Variants in IQCH observed in about 807,000 individuals in gnomAD.
The protein encoded by IQCH is IQ domain-containing protein H.
IQCH carries 98 observed loss-of-function variants against 117.0 expected under a neutral mutation model. The observed-to-expected ratio is 0.84, with a 90% CI of 0.71 to 0.99. The LOEUF (loss-of-function observed/expected upper bound fraction) is 0.99, where lower values mean the gene tolerates loss of function less well. Ranked by LOEUF, IQCH falls within the 50% of genes least tolerant of loss-of-function variation. The probability of loss-of-function intolerance (pLI) is 0.00; values close to 1 mark genes in which losing one functional copy is unlikely to be tolerated. For synonymous variants in IQCH, 412 were observed against 448.2 expected, an observed-to-expected ratio of 0.92 and a Z score of 1.02; for missense variants, 1,102 against 1,243.8, an observed-to-expected ratio of 0.89 and a Z score of 1.72.
intron 6 of IQCH, among the ~76,000 whole-genome samples, chr15:67,346,633 GC>G (rs1286932307): frequency 6.6e-6 from 1 of 152,108 alleles, no homozygotes; most frequent in African/African-American, 2.4e-5. Context: ...TTCCTAATGG[GC>G]CACAGTACCC....
At chr15:67,418,276 G>C (rs2081626677) in intron 15 of IQCH, among the ~76,000 whole-genome samples, 1 of 152,122 alleles carries the variant, frequency 6.6e-6, no homozygotes, top group Non-Finnish European at 1.5e-5. Flanking sequence ...GAATATACTG[G>C]CTGGGCAGGG....
chr15:67,363,184 A>C (rs891777918), intron 8 of IQCH, among the ~76,000 whole-genome samples: 4 of 152,306 alleles, frequency 2.6e-5, no homozygotes, highest in South Asian at 2.1e-4. Flanking sequence ...CACGGAAAAA[A>C]AAACAAACAA....
chr15:67,300,366 C>A (rs553274718), intron 4 of IQCH, among the ~76,000 whole-genome samples: 3 of 152,232 alleles, frequency 2.0e-5, no homozygotes, highest in African/African-American at 7.2e-5. Flanking sequence ...ACTTCACAAA[C>A]AACCCTATGA....
Position 67,463,945 on chromosome 15 carries a change from C to T in IQCH, c.2506-1182C>T, listed in dbSNP as rs991965441. ...GAAACCTCTGCCTCCTGGGTTCAAG[C>T]GATTCTCGTGCCTCAGCCTCCCAAG... On this transcript the variant is annotated intron_variant, in intron 16 of 20. Transcript: ENST00000335894. The surrounding 1 kb of genome is among the most constrained non-coding windows in gnomAD (Gnocchi z 4.0). Among the ~76,000 whole-genome samples the T allele has an allele frequency of 6.6e-6, 1 of 152,132 alleles. No homozygotes were observed.
At chr15:67,281,052 G>T (rs1042182883) in intron 4 of IQCH, among the ~76,000 whole-genome samples, 1 of 152,040 alleles carries the variant, frequency 6.6e-6, no homozygotes, top group African/African-American at 2.4e-5. Flanking sequence ...CACCATCTTG[G>T]CCGGGCTGGT....
At chr15:67,348,552 G>A (rs969626196) in intron 6 of IQCH, among the ~76,000 whole-genome samples, 1 of 152,050 alleles carries the variant, frequency 6.6e-6, no homozygotes, top group African/African-American at 2.4e-5. Flanking sequence ...TAGGTATAAA[G>A]CTAACAAATA....
At chr15:67,379,641 T>C (rs1159483872) in intron 10 of IQCH, among the ~76,000 whole-genome samples, 2 of 152,058 alleles carry the variant, frequency 1.3e-5, no homozygotes, top group East Asian at 3.9e-4. Context: ...GTTTCCCCCT[T>C]GCTTTTCTTG....
chr15:67,404,813 A>G lies in IQCH; in HGVS notation c.2097+4508A>G, dbSNP rs1158556993. On this transcript the variant is annotated intron_variant, in intron 14 of 20. Coordinates refer to ENST00000335894, the MANE Select transcript of IQCH (RefSeq NM_001031715.3). This position sits in a 1 kb window ranked among gnomAD's most constrained non-coding sequence, Gnocchi z 4.6. Reference sequence around the variant, plus strand: ...TTGGCAGTGGGAGGAAAGAGGGAGGAAAGATTTGTTTGTTTTTATATTTGG... The same window carrying G: ...TTGGCAGTGGGAGGAAAGAGGGAGGGAAGATTTGTTTGTTTTTATATTTGG... 6.6e-6 allele frequency: 1 copy of G among 152,148 alleles called. No homozygotes were observed. The highest frequency in any genetic ancestry group is 1.5e-5 in the Non-Finnish European group (1 of 67,994). The allele number at this position is 152,148 out of a possible 1,614,324, so 9.4% of individuals were successfully genotyped here. A position where few individuals can be genotyped will look rare whatever the true frequency, so the allele number is the denominator to read the frequency against.
rs542409126 is a variant in IQCH at position 67,360,017 on chromosome 15, A to G, written c.753+132A>G. On this transcript the variant is annotated intron_variant, in intron 8 of 20. Coordinates refer to ENST00000335894, the MANE Select transcript of IQCH (RefSeq NM_001031715.3). ...AACAAAAGTTCGTGCTTCCTTTGTAAAAGAAATTAGATCATGGTTTCAGGA... is the reference window on the plus strand; with the variant it reads ...AACAAAAGTTCGTGCTTCCTTTGTAGAAGAAATTAGATCATGGTTTCAGGA... The G allele has an allele frequency of 1.7e-4, 116 of 679,928 alleles. 1 individual carries two copies. The East Asian group carries it at 3.0e-3, about 18-fold the overall frequency. 42.1% of individuals were successfully genotyped at this position (679,928 alleles called of 1,614,324 possible).
Position 67,496,285 on chromosome 15 carries a change from T to TA in IQCH, c.2970+1927dup, listed in dbSNP as rs1164844090. ...TGAGTCTGGGTGATGGGAGTAAGAA[T>TA]AAAAAAAAGGAAGATAATGCAGAAA... On this transcript the variant is annotated intron_variant, in intron 20 of 20. Transcript: ENST00000335894. This position sits in a 1 kb window ranked among gnomAD's most constrained non-coding sequence, Gnocchi z 4.4. Among the ~76,000 whole-genome samples the TA allele has an allele frequency of 6.6e-6, 1 of 151,384 alleles. No individual in the cohort carries two copies.
In IQCH at chr15:67,431,459, G is replaced by C. The variant is rs2082018156; in HGVS notation, c.2505+9882G>C. Among the ~76,000 whole-genome samples the C allele has an allele frequency of 6.6e-6, 1 of 151,990 alleles. No individual in the cohort carries two copies. The highest frequency in any genetic ancestry group is 2.4e-5 in the African/African-American group (1 of 41,330). Reference sequence around the variant, plus strand: ...TGAGAATACAGGGACACATAGAGGGGAACACCACGCACTGAGGCCTATCAA... The same window carrying C: ...TGAGAATACAGGGACACATAGAGGGCAACACCACGCACTGAGGCCTATCAA... On this transcript the variant is annotated intron_variant, in intron 16 of 20. Transcript: ENST00000335894. This position sits in a 1 kb window ranked among gnomAD's most constrained non-coding sequence, Gnocchi z 4.8.
At chr15:67,324,626 A>G (rs1048541990) in intron 4 of IQCH, among the ~76,000 whole-genome samples, 1 of 151,584 alleles carries the variant, frequency 6.6e-6, no homozygotes, top group East Asian at 1.9e-4. Context: ...AAAAAAAAAA[A>G]AAGAAGTCAA....
chr15:67,306,564 A>G (rs1007537368), intron 4 of IQCH, among the ~76,000 whole-genome samples: 1 of 152,134 alleles, frequency 6.6e-6, no homozygotes, highest in African/African-American at 2.4e-5. Context: ...AGAAGCTGGT[A>G]TCTTCTCCAT....
At chr15:67,284,145 C>A (rs1244256439) in intron 4 of IQCH, among the ~76,000 whole-genome samples, 2 of 152,030 alleles carry the variant, frequency 1.3e-5, no homozygotes, top group Non-Finnish European at 2.9e-5. Flanking sequence ...CTTATTCATT[C>A]TTTCTATTTT....
At chr15:67,290,728 A>G (rs549646142) in intron 4 of IQCH, among the ~76,000 whole-genome samples, 9 of 151,612 alleles carry the variant, frequency 5.9e-5, no homozygotes, top group Admixed American at 2.1e-4. Flanking sequence ...AGGCAATTAA[A>G]TTGTGAAGGC....
chr15:67,326,073 C>T (rs957600921), intron 4 of IQCH, among the ~76,000 whole-genome samples: 14 of 152,238 alleles, frequency 9.2e-5, no homozygotes, highest in African/African-American at 3.1e-4. Flanking sequence ...CCCATTAACT[C>T]GTCATTTACA....
rs774272930 is a variant in IQCH, at chr15:67,299,092, AAC to A, written c.387+19582_387+19583del. Among the ~76,000 whole-genome samples the A allele has an allele frequency of 2.2e-3, 338 of 151,288 alleles. 1 individual carries two copies. The highest frequency in any genetic ancestry group is 2.7e-3 in the Non-Finnish European group (184 of 67,596). ...ATATATTCAGCCAAAAAAAAAAAAA[AAC>A]AATGAGATCCTGTCATTTGCAACAA... On this transcript the variant is annotated intron_variant, in intron 4 of 20. Coordinates refer to ENST00000335894, the MANE Select transcript of IQCH (RefSeq NM_001031715.3).
intron 18 of IQCH, among the ~76,000 whole-genome samples, chr15:67,483,420 G>A (rs1285540378): frequency 6.6e-6 from 1 of 152,218 alleles, no homozygotes; most frequent in Non-Finnish European, 1.5e-5. Context: ...TGGTGGCTGA[G>A]GCACAAGAAT....
At chr15:67,495,281 T>C (rs895850877) in intron 20 of IQCH, among the ~76,000 whole-genome samples, 1 of 152,210 alleles carries the variant, frequency 6.6e-6, no homozygotes. Context: ...ACAACATGAT[T>C]GAGAAGATTC....
Sources: allele counts gnomAD v4.1 joint callset (sites outside exome capture counted in the v4.1 genomes callset), GRCh38; gene constraint gnomAD v4.1.1; non-coding constraint Gnocchi (gnomAD v3.1); transcripts MANE v1.5; gene names NCBI Gene and HGNC (gene_info 2026-07-23, HGNC 2026-07-21).